Variants in CHMP3 observed in about 807,000 individuals in gnomAD.
CHMP3 encodes 25.1 protein.
Under a neutral mutation model 27.4 loss-of-function variants are expected in CHMP3, and 8 were observed. The observed-to-expected ratio is 0.29, with a 90% CI of 0.17 to 0.53. CHMP3 has a LOEUF of 0.53. Ranked by LOEUF, CHMP3 falls within the 20% of genes least tolerant of loss-of-function variation. The probability of loss-of-function intolerance (pLI) is 0.96; values close to 1 mark genes in which losing one functional copy is unlikely to be tolerated. For missense variants in CHMP3, 208 were observed against 271.5 expected (o/e 0.77, Z 1.64); for synonymous variants, 86 against 85.5 (o/e 1.01, Z -0.03).
intron 1 of CHMP3, among the ~76,000 whole-genome samples, chr2:86,553,163 G>A (rs747259040): frequency 9.3e-5 from 14 of 150,668 alleles, no homozygotes; most frequent in Non-Finnish European, 1.5e-4. Context: ...GTAACAAACC[G>A]GCACATCCTG....
intron 2 of CHMP3, among the ~76,000 whole-genome samples, chr2:86,535,994 C>CTTT (rs60555193): frequency 0.39 from 43,542 of 111,386 alleles, 11,069 homozygotes; most frequent in East Asian, 0.72. Context: ...ATAAACCTTT[C>CTTT]TTTTTTTTTT....
chr2:86,546,012 G>C (rs910143995), intron 1 of CHMP3, among the ~76,000 whole-genome samples: 20 of 152,146 alleles, frequency 1.3e-4, no homozygotes, highest in African/African-American at 4.6e-4. Context: ...CAAGGCAGGC[G>C]GCTGGGAGGT....
intron 5 of CHMP3, among the ~76,000 whole-genome samples, chr2:86,506,626 C>CT (rs973270185): frequency 0.041 from 5,437 of 131,286 alleles, 218 homozygotes; most frequent in African/African-American, 0.083. Context: ...TGTTTCGAAC[C>CT]TTTTTTTTTT....
chr2:86,539,839 C>G (rs13034615), intron 2 of CHMP3, among the ~76,000 whole-genome samples: 62,345 of 151,856 alleles, frequency 0.41, 14,155 homozygotes, highest in East Asian at 0.75. Flanking sequence ...ATCCAAGTTT[C>G]TATCTGGTAT....
At chr2:86,562,224 A>G (rs1364852432) in intron 1 of CHMP3, 1 of 152,228 alleles carries the variant, frequency 6.6e-6, no homozygotes, top group Non-Finnish European at 1.5e-5. Context: ...TAGTTTTTAA[A>G]ATGTGCCTGC....
At chr2:86,516,194 G>A (rs1344034583) in intron 3 of CHMP3, among the ~76,000 whole-genome samples, 1 of 150,902 alleles carries the variant, frequency 6.6e-6, no homozygotes, top group African/African-American at 2.4e-5. Flanking sequence ...CAAAAAGTGG[G>A]GAGAAGGAAA....
chr2:86,543,381 T>C (rs1676436539), intron 1 of CHMP3, among the ~76,000 whole-genome samples: 1 of 152,198 alleles, frequency 6.6e-6, no homozygotes, highest in Non-Finnish European at 1.5e-5. Context: ...AAATCTGACA[T>C]ATAGAGCTGG....
rs561418586 is a variant in CHMP3 at position 86,551,675 on chromosome 2, A to G, written c.46-9363T>C. Among the ~76,000 whole-genome samples the G allele has an allele frequency of 7.2e-5, 11 of 152,290 alleles. No individual in the cohort carries two copies. The South Asian group carries it at 2.1e-3, about 29-fold the overall frequency. ...TCTCTTTAGGGGGAAGGTAGTCCCAAATGATTGGGTTCATGTAACTGAGCT... is the reference window on the plus strand; with the variant it reads ...TCTCTTTAGGGGGAAGGTAGTCCCAGATGATTGGGTTCATGTAACTGAGCT... On this transcript the variant is annotated intron_variant, in intron 1 of 5. Transcript: ENST00000263856.
chr2:86,510,269 T>TCCCCCCC, intron 4 of CHMP3, 89 bp downstream of exon 4: 1 of 1,369,630 alleles, frequency 7.3e-7, no homozygotes, highest in Non-Finnish European at 1.0e-6. Context: ...AGTCTGTTCA[T>TCCCCCCC]CCCCACCCAC....
At chr2:86,556,907 T>C (rs575312350) in intron 1 of CHMP3, among the ~76,000 whole-genome samples, 1 of 152,076 alleles carries the variant, frequency 6.6e-6, no homozygotes, top group African/African-American at 2.4e-5. Context: ...CGGAACACCA[T>C]CCCTACTCCT....
chr2:86,529,547 C>A, intron 2 of CHMP3, 150 bp from the exon 3 acceptor site: 2 of 778,424 alleles, frequency 2.6e-6, no homozygotes, highest in Non-Finnish European at 3.6e-6. Context: ...GAATATTCAT[C>A]ATTTCCAGAA....
At chr2:86,554,903 A>G (rs1035189109) in intron 1 of CHMP3, among the ~76,000 whole-genome samples, 1 of 147,160 alleles carries the variant, frequency 6.8e-6, no homozygotes, top group Non-Finnish European at 1.5e-5. Context: ...GCTAGAGTGC[A>G]GTGGGTGATC....
chr2:86,560,837 T>C (rs373387250), intron 1 of CHMP3, among the ~76,000 whole-genome samples: 19 of 152,192 alleles, frequency 1.2e-4, no homozygotes, highest in African/African-American at 4.6e-4. Context: ...GAAATAGGCA[T>C]CTTACATGGC....
chr2:86,520,380 G>A (rs1211535388), intron 3 of CHMP3, among the ~76,000 whole-genome samples: 2 of 151,812 alleles, frequency 1.3e-5, no homozygotes, highest in Non-Finnish European at 1.5e-5. Context: ...AGGAGACAGA[G>A]AGAGAGAGAG....
chr2:86,508,004 G>A (rs1674951852), intron 4 of CHMP3, among the ~76,000 whole-genome samples: 1 of 152,174 alleles, frequency 6.6e-6, no homozygotes, highest in South Asian at 2.1e-4. Flanking sequence ...AGTGGTTGGA[G>A]CCGTAGTAGA....
At chr2:86,555,258 AAAC>A (rs1677074561) in intron 1 of CHMP3, among the ~76,000 whole-genome samples, 1 of 152,204 alleles carries the variant, frequency 6.6e-6, no homozygotes, top group South Asian at 2.1e-4. Context: ...CAAAATATAC[AAAC>A]AATACTGAGC....
At chr2:86,532,650 A>T (rs2103955101) in intron 2 of CHMP3, among the ~76,000 whole-genome samples, 1 of 152,160 alleles carries the variant, frequency 6.6e-6, no homozygotes, top group East Asian at 1.9e-4. Flanking sequence ...AAGGGTGCTA[A>T]ATTTGGCCAA....
intron 3 of CHMP3, 199 bp from the exon 4 acceptor site, chr2:86,510,678 T>C (rs1675071528): frequency 1.4e-6 from 1 of 693,360 alleles, no homozygotes; most frequent in Non-Finnish European, 2.3e-6. Flanking sequence ...TTACTACTGA[T>C]GTGAATTCAA....
chr2:86,550,486 AG>A (rs1676863933), intron 1 of CHMP3, among the ~76,000 whole-genome samples: 1 of 151,748 alleles, frequency 6.6e-6, no homozygotes, highest in African/African-American at 2.4e-5. Context: ...CAAGACACAA[AG>A]GCAATAACCA....
Sources: allele counts gnomAD v4.1 joint callset (sites outside exome capture counted in the v4.1 genomes callset), GRCh38; gene constraint gnomAD v4.1.1; transcripts MANE v1.5; gene names NCBI Gene and HGNC (gene_info 2026-07-23, HGNC 2026-07-21).